ERCC6: variants seen among roughly 807,000 people sequenced by gnomAD.
The protein encoded by ERCC6 is DNA excision repair protein ERCC-6.
ERCC6 carries 116 observed loss-of-function variants against 158.7 expected under a neutral mutation model. The ratio of observed to expected loss-of-function variants is 0.73; its 90% CI spans 0.63 to 0.85. ERCC6 has a LOEUF of 0.85. ERCC6 is among the 40% of genes least tolerant of loss of function. The pLI, the probability that ERCC6 is intolerant of heterozygous loss-of-function variation, is 0.00. For missense variants in ERCC6, 1,698 were observed against 1,799.4 expected (o/e 0.94, Z 1.02); for synonymous variants, 678 against 659.3 (o/e 1.03, Z -0.43).
chr10:49,482,793 A>G lies in ERCC6; in HGVS notation c.2063T>C (p.Leu688Pro), dbSNP rs1851002672. ...MQNNLRELWS[L>P]FDFIFPGKLG... is the part of the protein sequence containing the mutation. ...CTTTCCCGGGAAGATGAAGTCAAAG[A>G]GCGACCACAGCTCTCGGAGGTTATT... The change falls in exon 10 of 21, where the codon CTC becomes CCC. Residue 688 changes from leucine to proline, a missense_variant. Coordinates refer to ENST00000355832, the MANE Select transcript of ERCC6 (RefSeq NM_000124.4). 6.2e-7 allele frequency: 1 copy of G among 1,612,906 alleles called. No individual in the cohort carries two copies. The highest frequency in any genetic ancestry group is 1.1e-5 in the South Asian group (1 of 90,976).
chr10:49,485,991 A>T (rs1237027782), intron 8 of ERCC6, among the ~76,000 whole-genome samples: 1 of 152,224 alleles, frequency 6.6e-6, no homozygotes, highest in African/African-American at 2.4e-5. Flanking sequence ...AGATATATCA[A>T]AGAAATGCCA....
chr10:49,465,209 T>A (rs956896384), intron 18 of ERCC6, among the ~76,000 whole-genome samples: 1 of 152,186 alleles, frequency 6.6e-6, no homozygotes. Flanking sequence ...TCAAAGGAGA[T>A]CATTTTGGAG....
In ERCC6 at chr10:49,476,297, C is replaced by T. The variant is rs56397747; in HGVS notation, c.2300G>A (p.Arg767His). Residue 767 changes from arginine to histidine, a missense_variant, in exon 12 of 21, where the codon CGT becomes CAT. Physicochemically the swap from Arg to His is conservative, Grantham distance 29. Transcript: ENST00000355832. ...GACTTTATGCTGCTCATCTGTAAGA[C>T]GGCAAAATAAGACCTACGGACGGGA... ...PDKNEQVLFCRLTDEQHKVYQ... is the reference protein window; with the variant it reads ...PDKNEQVLFCHLTDEQHKVYQ... The T allele has an allele frequency of 2.0e-5, 32 of 1,612,618 alleles. No individual in the cohort carries two copies. The highest frequency in any genetic ancestry group is 4.5e-5 in the East Asian group (2 of 44,876).
chr10:49,481,508 C>A (rs1404565274), intron 10 of ERCC6, among the ~76,000 whole-genome samples: 2 of 152,146 alleles, frequency 1.3e-5, no homozygotes, highest in African/African-American at 2.4e-5. Context: ...CTCCAAAATA[C>A]GAGAGCTTCC....
At chr10:49,504,216 T>A (rs1851405507) in intron 6 of ERCC6, 1 of 152,084 alleles carries the variant, frequency 6.6e-6, no homozygotes, top group Non-Finnish European at 1.5e-5. Flanking sequence ...ACTCTATCAA[T>A]CCTATTAATT....
intron 1 of ERCC6, among the ~76,000 whole-genome samples, chr10:49,534,164 A>AAAAAAAAAC (rs1564448026): frequency 6.6e-6 from 1 of 150,738 alleles, no homozygotes; most frequent in African/African-American, 2.5e-5. Context: ...ACAAAAAAAA[A>AAAAAAAAAC]ACTCCATTTT....
downstream of ERCC6, among the ~76,000 whole-genome samples, chr10:49,453,724 T>C (rs1334221898): frequency 6.6e-6 from 1 of 152,144 alleles, no homozygotes; most frequent in Non-Finnish European, 1.5e-5. Context: ...ATTTCACTTA[T>C]ATTTTTGAAT....
At chr10:49,515,216 TTTA>T (rs1836910360) in intron 5 of ERCC6, 47 of 1,323,146 alleles carry the variant, frequency 3.6e-5, no homozygotes, top group Non-Finnish European at 4.4e-5. Flanking sequence ...GAAAAAAAAA[TTTA>T]TTATGTTCCA....
intron 6 of ERCC6, 183 bp downstream of exon 6, chr10:49,505,701 T>G: frequency 3.0e-6 from 2 of 665,240 alleles, no homozygotes; most frequent in South Asian, 3.9e-5. Flanking sequence ...TTAGTCAACT[T>G]ATTATCATCC....
In ERCC6 at chr10:49,458,738, A is replaced by G. The variant is rs1850523339; in HGVS notation, c.*77T>C. 10 of 1,440,212 alleles carry G rather than the reference A, an allele frequency of 6.9e-6. No homozygotes were observed. Among genetic ancestry groups the G allele is most frequent in the Non-Finnish European group, 9.7e-6 (10 of 1,029,062 alleles). 89.2% of individuals were successfully genotyped at this position (1,440,212 alleles called of 1,614,324 possible). A position where few individuals can be genotyped will look rare whatever the true frequency, so the allele number is the denominator to read the frequency against. Reference sequence around the variant, plus strand: ...GTGCAGCCAACTTCCATTGACAAACATGATTATTAATAATAAATTAATAAT... The same window carrying G: ...GTGCAGCCAACTTCCATTGACAAACGTGATTATTAATAATAAATTAATAAT... On this transcript the variant is annotated 3_prime_UTR_variant, in exon 21 of 21. Coordinates refer to ENST00000355832, the MANE Select transcript of ERCC6 (RefSeq NM_000124.4).
chr10:49,528,480 C>T lies in ERCC6; in HGVS notation c.589G>A (p.Ala197Thr), dbSNP rs1309230061. 2 of 1,614,142 alleles carry T rather than the reference C, an allele frequency of 1.2e-6. No individual in the cohort carries two copies. The highest frequency in any genetic ancestry group is 1.7e-6 in the Non-Finnish European group (2 of 1,180,026). ...KITAKQKHLQ[A>T]ILGGAEVKIE... The stretch of plus-strand genomic sequence containing the variant: ...TTCACCTCTGCTCCTCCAAGGATGG[C>T]CTGGAGATGCTTTTGTTTTGCAGTG... Residue 197 changes from alanine to threonine, a missense_variant, in exon 4 of 21, where the codon GCC becomes ACC. Transcript: ENST00000355832.
chr10:49,472,601 C>T (rs1402396593), intron 15 of ERCC6, 131 bp from the exon 16 acceptor site: 5 of 905,482 alleles, frequency 5.5e-6, no homozygotes, highest in Non-Finnish European at 8.9e-6. Context: ...ACGTCAAGTA[C>T]ACCTAAGGCC....
chr10:49,464,765 T>A (rs1850644584), intron 18 of ERCC6, among the ~76,000 whole-genome samples: 1 of 152,202 alleles, frequency 6.6e-6, no homozygotes, highest in Admixed American at 6.5e-5. Context: ...CCTTGGGAGC[T>A]TCCACACAGT....
rs967255142 is a variant in ERCC6 at position 49,524,636 on chromosome 10, A to G, written c.794T>C (p.Leu265Pro). 1 of 1,614,178 alleles carries G rather than the reference A, an allele frequency of 6.2e-7. No homozygotes were observed. The highest frequency in any genetic ancestry group is 1.1e-5 in the South Asian group (1 of 91,080). ...KQEKKPRKIM[L>P]NEASGFEKYL... ...CTTTTCGAAGCCTGATGCTTCATTAAGCATGATTTTTCTGGGCTTTTTCTC... is the reference window on the plus strand; with the variant it reads ...CTTTTCGAAGCCTGATGCTTCATTAGGCATGATTTTTCTGGGCTTTTTCTC... The change falls in exon 5 of 21, where the codon CTT becomes CCT. Residue 265 changes from leucine (L) to proline (P), a missense_variant. Transcript: ENST00000355832.
intron 2 of ERCC6, among the ~76,000 whole-genome samples, chr10:49,532,010 CCTCT>C (rs538739845): frequency 6.6e-6 from 1 of 152,166 alleles, no homozygotes; most frequent in Non-Finnish European, 1.5e-5. Flanking sequence ...AAGTCTTCTC[CCTCT>C]CTAAGACACA....
At chr10:49,489,924 G>A (rs902324299) in intron 8 of ERCC6, among the ~76,000 whole-genome samples, 1 of 151,626 alleles carries the variant, frequency 6.6e-6, no homozygotes, top group East Asian at 1.9e-4. Context: ...TATTTTTTTT[G>A]AGCCCTAGCA....
chr10:49,470,079 GAC>G, intron 18 of ERCC6, 101 bp downstream of exon 18: 1 of 1,020,018 alleles, frequency 9.8e-7, no homozygotes, highest in Non-Finnish European at 1.5e-6. Context: ...ACTAATGGCT[GAC>G]AGCCCTCTAT....
At chr10:49,538,536 T>C (rs942588634) in intron 1 of ERCC6, among the ~76,000 whole-genome samples, 4 of 152,096 alleles carry the variant, frequency 2.6e-5, no homozygotes, top group Admixed American at 6.5e-5. Context: ...ACAGCAGCAT[T>C]TACAGGCGGC....
At chr10:49,516,969 G>A in intron 5 of ERCC6, 1 of 1,614,094 alleles carries the variant, frequency 6.2e-7, no homozygotes, top group South Asian at 1.1e-5. Context: ...ATTATTTATT[G>A]TTCCACCTTC....
Sources: gnomAD v4.1 joint callset for allele counts (sites outside exome capture counted in the v4.1 genomes callset) on GRCh38, gnomAD v4.1.1 for gene constraint, MANE v1.5 for transcripts, NCBI Gene and HGNC (gene_info 2026-07-23, HGNC 2026-07-21) for gene names.